GTF2IRD1: variants seen among roughly 807,000 people sequenced by gnomAD.
GTF2IRD1 encodes the protein general transcription factor II-I repeat domain-containing protein 1.
A neutral mutation model predicts 113.2 loss-of-function variants in GTF2IRD1; 26 were observed. That is an observed-to-expected ratio of 0.23 (90% confidence interval 0.17 to 0.32). The LOEUF is 0.32. GTF2IRD1 is among the 10% of genes least tolerant of loss of function. GTF2IRD1 has a pLI of 1.00. For missense variants in GTF2IRD1, 864 were observed against 1,280.8 expected (o/e 0.67, Z 4.97); for synonymous variants, 484 against 529.1 (o/e 0.91, Z 1.17).
chr7:74,576,110 C>T (rs587755496), intron 22 of GTF2IRD1, among the ~76,000 whole-genome samples: 6 of 151,632 alleles, frequency 4.0e-5, no homozygotes, highest in African/African-American at 1.5e-4. Context: ...CAGTGAGCCA[C>T]GATTGTGCCA....
chr7:74,517,884 G>A (rs587626886), intron 4 of GTF2IRD1, among the ~76,000 whole-genome samples: 18 of 152,308 alleles, frequency 1.2e-4, no homozygotes, highest in African/African-American at 3.8e-4. Context: ...GGGCTTGGTC[G>A]GGGAGGGCAG....
chr7:74,488,550 G>A (rs1795147889), intron 1 of GTF2IRD1, among the ~76,000 whole-genome samples: 1 of 151,634 alleles, frequency 6.6e-6, no homozygotes, highest in Non-Finnish European at 1.5e-5. Context: ...TTGAGACCAG[G>A]AGTTCAGAAC....
rs782343426 is a variant in GTF2IRD1 at position 74,601,145 on chromosome 7, G to A, written c.2731G>A (p.Asp911Asn). 2.5e-6 allele frequency: 4 copies of A among 1,609,368 alleles called. No individual in the cohort carries two copies. Among genetic ancestry groups the A allele is most frequent in the Admixed American group, 1.7e-5 (1 of 58,850 alleles). Residue 911 changes from aspartate (D) to asparagine (N), a missense_variant, in exon 26 of 27, where the codon GAT (aspartate) becomes AAT (asparagine). Asp to Asn is a conservative substitution (Grantham distance 23, BLOSUM62 1). This residue lies in a region of GTF2IRD1 where 55 missense variants were observed against 52.2 expected (regional missense o/e 1.05). Coordinates refer to ENST00000424337, the MANE Select transcript of GTF2IRD1 (RefSeq NM_005685.4). ...SSSSSSSSNP[D>N]SVASANQISL... The stretch of plus-strand genomic sequence containing the variant: ...TTCCTCTTCCTCGTCCTCTAACCCG[G>A]ATTCAGTGGCATCGGCCAACCAGAT...
chr7:74,454,443 C>T (rs1584427890), intron 1 of GTF2IRD1, among the ~76,000 whole-genome samples: 1 of 152,106 alleles, frequency 6.6e-6, no homozygotes, highest in East Asian at 2.0e-4. Flanking sequence ...TCCCTCCTTG[C>T]CACCGGCTCT....
intron 8 of GTF2IRD1, among the ~76,000 whole-genome samples, chr7:74,525,612 G>A (rs1031877554): frequency 5.9e-5 from 9 of 151,982 alleles, no homozygotes; most frequent in Admixed American, 2.0e-4. Context: ...TTAACTGGGC[G>A]TGGCATGGTG....
chr7:74,461,155 GGAC>G (rs556687174), intron 1 of GTF2IRD1, among the ~76,000 whole-genome samples: 75 of 152,316 alleles, frequency 4.9e-4, no homozygotes, highest in African/African-American at 1.7e-3. Context: ...TGGGTGTGTG[GGAC>G]CCCCGGGGGC....
intron 17 of GTF2IRD1, among the ~76,000 whole-genome samples, chr7:74,549,447 G>T (rs191262817): frequency 1.3e-5 from 2 of 152,168 alleles, no homozygotes; most frequent in African/African-American, 4.8e-5. Flanking sequence ...GAGGAGATCC[G>T]CTGGGACAGG....
intron 10 of GTF2IRD1, among the ~76,000 whole-genome samples, chr7:74,535,366 A>G (rs1554349979): frequency 6.6e-6 from 1 of 152,186 alleles, no homozygotes; most frequent in African/African-American, 2.4e-5. Flanking sequence ...GACAGAGAGT[A>G]CTAAAGCTGG....
chr7:74,559,449 G>T (rs1246884240), intron 21 of GTF2IRD1, among the ~76,000 whole-genome samples, 178 bp from the exon 22 acceptor site: 1 of 152,244 alleles, frequency 6.6e-6, no homozygotes, highest in Non-Finnish European at 1.5e-5. Flanking sequence ...CCAGCACCCT[G>T]CCACATTGTC....
chr7:74,601,467 G>T, intron 26 of GTF2IRD1: 1 of 1,440,752 alleles, frequency 6.9e-7, no homozygotes, highest in South Asian at 1.5e-5. Flanking sequence ...CCGCACCAGA[G>T]CTGGAGACAT....
chr7:74,524,470 A>G (rs1158737896), intron 8 of GTF2IRD1, among the ~76,000 whole-genome samples: 11 of 152,198 alleles, frequency 7.2e-5, no homozygotes, highest in African/African-American at 2.7e-4. Context: ...CATGCCTGTC[A>G]TCCCAGCACT....
At chr7:74,518,070 C>A in intron 4 of GTF2IRD1, 69 bp from the exon 5 acceptor site, 1 of 1,175,290 alleles carries the variant, frequency 8.5e-7, no homozygotes, top group Non-Finnish European at 1.2e-6. Context: ...CACTCTGGGG[C>A]ACAGCAGCCC....
In GTF2IRD1 at chr7:74,546,952, T is replaced by G. The variant is rs587648402; in HGVS notation, c.1733-151T>G. On this transcript the variant is annotated intron_variant, in intron 16 of 26. Transcript: ENST00000424337. ...AACTCCAGGTTCCTTTCCTGCAGGC[T>G]GGGGGGCCACTCTTTCCACATCCCA... 1.6e-3 allele frequency: 1,141 copies of G among 699,526 alleles called. 3 individuals are homozygous for G. Among genetic ancestry groups the G allele is most frequent in the Non-Finnish European group, 2.5e-3 (1,007 of 408,346 alleles). The allele number at this position is 699,526 out of a possible 1,614,324, so 43.3% of individuals were successfully genotyped here. A position where few individuals can be genotyped will look rare whatever the true frequency, so the allele number is the denominator to read the frequency against.
intron 1 of GTF2IRD1, among the ~76,000 whole-genome samples, chr7:74,461,444 C>T (rs938889766): frequency 6.6e-6 from 1 of 152,112 alleles, no homozygotes; most frequent in Non-Finnish European, 1.5e-5. Flanking sequence ...AAAGCAAGTC[C>T]GTATCTTTTC....
At chr7:74,485,812 G>A (rs920872222) in intron 1 of GTF2IRD1, among the ~76,000 whole-genome samples, 4 of 151,870 alleles carry the variant, frequency 2.6e-5, no homozygotes, top group Non-Finnish European at 5.9e-5. Flanking sequence ...TGTAGTCCCA[G>A]GTACTCGTGA....
intron 25 of GTF2IRD1, among the ~76,000 whole-genome samples, chr7:74,597,341 C>CTT (rs79382591): frequency 7.4e-5 from 10 of 134,246 alleles, no homozygotes; most frequent in Admixed American, 2.3e-4. Context: ...TGCTACCGGC[C>CTT]TTTTTTTTTT....
At chr7:74,481,065 C>T (rs1554334550) in intron 1 of GTF2IRD1, among the ~76,000 whole-genome samples, 1 of 152,220 alleles carries the variant, frequency 6.6e-6, no homozygotes, top group African/African-American at 2.4e-5. Flanking sequence ...TGCCCCTTTG[C>T]CCCCGCCTGG....
rs142059538 is a variant in GTF2IRD1, at chr7:74,520,176, G to T, written c.916+457G>T. Among the ~76,000 whole-genome samples, 964 of 148,668 alleles carry T rather than the reference G, an allele frequency of 6.5e-3. 42 individuals carry two copies. Among genetic ancestry groups the T allele is most frequent in the Admixed American group, 0.057 (851 of 14,866 alleles). ...GAGATCCACATCACGTGCTATAAAG[G>T]AAGTAAGCATACTAGTCATCCTCAT... On this transcript the variant is annotated intron_variant, in intron 6 of 26. Transcript: ENST00000424337.
intron 22 of GTF2IRD1, among the ~76,000 whole-genome samples, chr7:74,581,028 G>A (rs1407408208): frequency 6.6e-6 from 1 of 152,038 alleles, no homozygotes; most frequent in South Asian, 2.1e-4. Flanking sequence ...TTCTGGGGGG[G>A]GTTGGGGGGA....
Sources: allele counts gnomAD v4.1 joint callset (sites outside exome capture counted in the v4.1 genomes callset), GRCh38; gene constraint gnomAD v4.1.1; regional missense constraint gnomAD v4.1.1; transcripts MANE v1.5; gene names NCBI Gene and HGNC (gene_info 2026-07-23, HGNC 2026-07-21).